Variants in FMN2 observed in about 807,000 individuals in gnomAD.
FMN2 encodes the protein formin-2.
FMN2 carries 51 observed loss-of-function variants against 142.3 expected under a neutral mutation model. The ratio of observed to expected loss-of-function variants is 0.36; its 90% CI spans 0.29 to 0.45. The LOEUF (loss-of-function observed/expected upper bound fraction) is 0.45. FMN2 is among the 20% of genes least tolerant of loss of function. The pLI, the probability that FMN2 is intolerant of heterozygous loss-of-function variation, is 1.00. For synonymous variants in FMN2, 882 were observed against 869.8 expected (o/e 1.01, Z -0.25); for missense variants, 1,936 against 2,122.8 (o/e 0.91, Z 1.73).
At chr1:240,441,906 T>C (rs762861244) in intron 16 of FMN2, among the ~76,000 whole-genome samples, 10 of 152,064 alleles carry the variant, frequency 6.6e-5, no homozygotes, top group African/African-American at 1.5e-4. Flanking sequence ...TTGTAGGTAA[T>C]AAAACCCCGC....
intron 3 of FMN2, among the ~76,000 whole-genome samples, chr1:240,187,171 G>A (rs1308130863): frequency 6.7e-6 from 1 of 149,486 alleles, no homozygotes; most frequent in Non-Finnish European, 1.5e-5. Flanking sequence ...TCGGGAGGCT[G>A]AGGCAGGAGA....
chr1:240,328,933 A>T, intron 8 of FMN2, 143 bp from the exon 9 acceptor site: 1 of 735,128 alleles, frequency 1.4e-6, no homozygotes, highest in Non-Finnish European at 2.2e-6. Context: ...GTCAAGCTTT[A>T]CTATATACAG....
intron 13 of FMN2, among the ~76,000 whole-genome samples, chr1:240,340,215 A>C (rs1247098555): frequency 6.6e-6 from 1 of 152,136 alleles, no homozygotes; most frequent in Non-Finnish European, 1.5e-5. Context: ...TTACTGTGCT[A>C]TCATTGTTGC....
At chr1:240,448,068 G>A (rs1389197308) in intron 16 of FMN2, among the ~76,000 whole-genome samples, 2 of 152,130 alleles carry the variant, frequency 1.3e-5, no homozygotes, top group African/African-American at 4.8e-5. Flanking sequence ...TACAACTCCT[G>A]CTACTTCCCC....
chr1:240,395,802 C>T (rs1213213758), intron 15 of FMN2, among the ~76,000 whole-genome samples: 2 of 152,154 alleles, frequency 1.3e-5, no homozygotes, highest in Non-Finnish European at 2.9e-5. Flanking sequence ...ATGCTATGAA[C>T]GTTGTTGAAA....
At chr1:240,464,501 T>C (rs1489132203) in intron 16 of FMN2, among the ~76,000 whole-genome samples, 1 of 152,254 alleles carries the variant, frequency 6.6e-6, no homozygotes, top group Non-Finnish European at 1.5e-5. Flanking sequence ...ATTAATTTTA[T>C]GTTCATGGGA....
In FMN2 at chr1:240,093,461, T is replaced by A. The variant is rs145379416; in HGVS notation, c.1352T>A (p.Leu451Gln). Residue 451 changes from leucine (L) to glutamine (Q), a missense_variant, in exon 1 of 18, where the codon CTG becomes CAG. By Grantham distance (113) the Leu-to-Gln change is moderately radical. Around this residue, in one of 8 missense-constraint regions of FMN2, gnomAD observed 751 missense variants for 791.8 expected, o/e 0.95. Coordinates refer to ENST00000319653, the MANE Select transcript of FMN2 (RefSeq NM_020066.5). ...PRIKRRPEPSLSRGSRTALAS... is the reference protein window; with the variant it reads ...PRIKRRPEPSQSRGSRTALAS... The stretch of plus-strand genomic sequence containing the variant: ...ATCAAGAGGCGGCCGGAACCCTCCC[T>A]GAGCCGAGGGTCCAGAACTGCCCTG... 828 of 1,613,318 alleles carry A rather than the reference T, an allele frequency of 5.1e-4. 4 individuals are homozygous for A. The African/African-American group carries it at 9.8e-3, about 19-fold the overall frequency.
intron 14 of FMN2, among the ~76,000 whole-genome samples, chr1:240,366,817 C>T (rs1672687669): frequency 6.6e-6 from 1 of 152,200 alleles, no homozygotes; most frequent in South Asian, 2.1e-4. Context: ...TCCCAAAGAG[C>T]TGGGATTACA....
At chr1:240,301,487 AT>A (rs775390368) in intron 8 of FMN2, among the ~76,000 whole-genome samples, 6 of 151,788 alleles carry the variant, frequency 4.0e-5, no homozygotes, top group Non-Finnish European at 7.4e-5. Flanking sequence ...CTCCAGTATC[AT>A]TTTATATCGT....
intron 14 of FMN2, among the ~76,000 whole-genome samples, chr1:240,381,195 G>A (rs1673215103): frequency 6.6e-6 from 1 of 152,074 alleles, no homozygotes; most frequent in African/African-American, 2.4e-5. Flanking sequence ...AATCAGGCTA[G>A]AACACAACAA....
intron 13 of FMN2, among the ~76,000 whole-genome samples, chr1:240,349,371 G>T (rs965066179): frequency 2.0e-5 from 3 of 152,102 alleles, no homozygotes; most frequent in Non-Finnish European, 2.9e-5. Flanking sequence ...CTTCCTACTT[G>T]CTGAGGCTGG....
chr1:240,192,528 C>T (rs923541112), intron 4 of FMN2, among the ~76,000 whole-genome samples: 6 of 152,012 alleles, frequency 3.9e-5, no homozygotes, highest in African/African-American at 1.4e-4. Flanking sequence ...AAACAATAAC[C>T]CACAAGACAA....
intron 16 of FMN2, among the ~76,000 whole-genome samples, chr1:240,456,691 G>A (rs760739805): frequency 5.3e-5 from 8 of 152,248 alleles, no homozygotes; most frequent in Admixed American, 2.6e-4. Flanking sequence ...CCCGACCTCA[G>A]GTGATTCACA....
chr1:240,438,040 T>C (rs1413382515), intron 15 of FMN2, 21 bp from the exon 16 acceptor site: 1 of 1,606,270 alleles, frequency 6.2e-7, no homozygotes, highest in South Asian at 1.1e-5. Context: ...TTTATGCTTT[T>C]GTGTGTGTAT....
chr1:240,118,488 C>A (rs181555578), intron 1 of FMN2, among the ~76,000 whole-genome samples: 20 of 152,264 alleles, frequency 1.3e-4, no homozygotes, highest in Admixed American at 8.5e-4. Flanking sequence ...TGTTCTCCCC[C>A]ACCTGGGACC....
intron 14 of FMN2, among the ~76,000 whole-genome samples, chr1:240,389,391 G>C (rs183701229): frequency 1.1e-4 from 17 of 152,294 alleles, no homozygotes; most frequent in African/African-American, 4.1e-4. Context: ...GCAAAGTCAT[G>C]TTTGAAAGTC....
intron 16 of FMN2, among the ~76,000 whole-genome samples, chr1:240,446,663 T>C (rs60744802): frequency 0.039 from 5,916 of 152,248 alleles, 388 homozygotes; most frequent in African/African-American, 0.14. Flanking sequence ...TTTCAAATGG[T>C]TATAATTTGC....
chr1:240,379,761 A>G (rs2103079797), intron 14 of FMN2, among the ~76,000 whole-genome samples: 1 of 152,308 alleles, frequency 6.6e-6, no homozygotes, highest in East Asian at 1.9e-4. Flanking sequence ...AGTTCAATTA[A>G]GTGGAAGTTC....
chr1:240,181,499 T>G (rs1435250427), intron 3 of FMN2, among the ~76,000 whole-genome samples: 1 of 152,216 alleles, frequency 6.6e-6, no homozygotes, highest in Non-Finnish European at 1.5e-5. Flanking sequence ...CTGACCCTTC[T>G]TTGTATGAAT....
Sources: allele counts gnomAD v4.1 joint callset (sites outside exome capture counted in the v4.1 genomes callset), GRCh38; gene constraint gnomAD v4.1.1; regional missense constraint gnomAD v4.1.1; transcripts MANE v1.5; gene names NCBI Gene and HGNC (gene_info 2026-07-23, HGNC 2026-07-21).